The following TWIST2 variants were observed in gnomAD, a reference collection of about 807,000 sequenced individuals.
TWIST2 encodes twist-related protein 2.
A neutral mutation model predicts 11.6 loss-of-function variants in TWIST2; 1 was observed. The observed-to-expected ratio is 0.09, with a 90% confidence interval of 0.03 to 0.41. The LOEUF (loss-of-function observed/expected upper bound fraction) is 0.41. Ranked by LOEUF, TWIST2 falls within the 10% of genes least tolerant of loss-of-function variation. TWIST2 has a pLI of 0.98. For synonymous variants in TWIST2, 87 were observed against 96.6 expected (o/e 0.90, Z 0.58); for missense variants, 168 against 226.4 (o/e 0.74, Z 1.66).
chr2:238,876,022 T>A (rs773311484), intron 1 of TWIST2, among the ~76,000 whole-genome samples: 2 of 152,178 alleles, frequency 1.3e-5, no homozygotes, highest in Non-Finnish European at 2.9e-5. Context: ...GTTCACATCG[T>A]CATCCCACTA....
intron 1 of TWIST2, among the ~76,000 whole-genome samples, chr2:238,861,866 G>A (rs1393726766): frequency 6.6e-6 from 1 of 152,164 alleles, no homozygotes; most frequent in Non-Finnish European, 1.5e-5. Context: ...GAGCTGTCCC[G>A]CTCCATCCCC....
At chr2:238,885,860 C>T (rs972306733) in intron 1 of TWIST2, among the ~76,000 whole-genome samples, 1 of 152,108 alleles carries the variant, frequency 6.6e-6, no homozygotes, top group Non-Finnish European at 1.5e-5. Context: ...CTCACCAGCT[C>T]CAGTCTGCAC....
intron 1 of TWIST2, among the ~76,000 whole-genome samples, chr2:238,869,301 G>C (rs1179184893): frequency 6.6e-6 from 1 of 152,174 alleles, no homozygotes; most frequent in Non-Finnish European, 1.5e-5. Flanking sequence ...GAACAATCTG[G>C]GATCTCTCAA....
At position 238,864,037 on chromosome 2, in the gene TWIST2, C is replaced by A. The variant is rs1176170860; in HGVS notation, c.*35+15304C>A. ...TTCCTTTCAGATTCTTCGCCATAAT[C>A]TAATTTTCGTTAAGCCTGTCTTCCT... On this transcript the variant is annotated intron_variant, in intron 1 of 1. Transcript: ENST00000612363. This position sits in a 1 kb window ranked among gnomAD's most constrained non-coding sequence, Gnocchi z 4.7. 6.6e-6 allele frequency among the ~76,000 whole-genome samples: 1 copy of A among 152,206 alleles called. No individual in the cohort carries two copies.
chr2:238,868,793 C>T (rs183583566), intron 1 of TWIST2, among the ~76,000 whole-genome samples: 211 of 152,294 alleles, frequency 1.4e-3, no homozygotes, highest in Non-Finnish European at 2.3e-3. Context: ...ATGGTAGGGC[C>T]GGGACACAAG....
At chr2:238,884,713 G>A (rs1693000375) in intron 1 of TWIST2, among the ~76,000 whole-genome samples, 2 of 152,186 alleles carry the variant, frequency 1.3e-5, no homozygotes, top group Non-Finnish European at 2.9e-5. Context: ...GCTGTCCCAC[G>A]GTCCAGCAGA....
At chr2:238,854,313 C>T (rs137921240) in intron 1 of TWIST2, among the ~76,000 whole-genome samples, 2 of 152,306 alleles carry the variant, frequency 1.3e-5, no homozygotes, top group African/African-American at 4.8e-5. Context: ...CATTAGAGTC[C>T]TAATTCTCAC....
chr2:238,896,299 A>G (rs1285450892), intron 1 of TWIST2, among the ~76,000 whole-genome samples: 1 of 152,228 alleles, frequency 6.6e-6, no homozygotes, highest in African/African-American at 2.4e-5. Flanking sequence ...GGATGCAGAA[A>G]GCACGGGAGA....
At chr2:238,848,898 G>T (rs1692185625) in intron 1 of TWIST2, among the ~76,000 whole-genome samples, 165 bp downstream of exon 1, 1 of 152,106 alleles carries the variant, frequency 6.6e-6, no homozygotes, top group African/African-American at 2.4e-5. Flanking sequence ...CGGGCGGGAC[G>T]CTCACAGTCC....
intron 1 of TWIST2, among the ~76,000 whole-genome samples, chr2:238,894,977 T>C (rs979178304): frequency 0.019 from 2,926 of 152,340 alleles, 89 homozygotes; most frequent in African/African-American, 0.067. Flanking sequence ...ATTTTTGTGA[T>C]AGTGATTTGT....
intron 1 of TWIST2, among the ~76,000 whole-genome samples, chr2:238,850,911 T>G (rs964712164): frequency 6.6e-6 from 1 of 152,270 alleles, no homozygotes; most frequent in African/African-American, 2.4e-5. Flanking sequence ...TGAATGATTC[T>G]GGACACACCT....
chr2:238,854,344 TCAC>T lies in TWIST2; in HGVS notation c.*35+5613_*35+5615del, dbSNP rs1423235702. Among the ~76,000 whole-genome samples the T allele has an allele frequency of 5.3e-5, 8 of 152,236 alleles. No individual in the cohort carries two copies. In the East Asian group the frequency reaches 1.5e-3, roughly 29 times the overall value. On this transcript the variant is annotated intron_variant, in intron 1 of 1. Transcript: ENST00000612363. Reference sequence around the variant, plus strand: ...CTCACTGTCTAATTTGACAGACGGTTCACCTCTGTGTCTCTGGATGTGCAGGTC... The same window carrying T: ...CTCACTGTCTAATTTGACAGACGGTTCTCTGTGTCTCTGGATGTGCAGGTC...
chr2:238,892,766 C>T (rs114352166), intron 1 of TWIST2, among the ~76,000 whole-genome samples: 2,860 of 152,274 alleles, frequency 0.019, 95 homozygotes, highest in African/African-American at 0.065. Context: ...CAGGTGTGAG[C>T]CGCCGCAACC....
At chr2:238,907,811 G>C (rs893702078) in intron 1 of TWIST2, among the ~76,000 whole-genome samples, 1 of 143,732 alleles carries the variant, frequency 7.0e-6, no homozygotes, top group African/African-American at 2.6e-5. Flanking sequence ...CACACCACGC[G>C]CCACACAAAT....
Position 238,866,741 on chromosome 2 carries a change from C to A in TWIST2, c.*35+18008C>A, listed in dbSNP as rs1043813047. Among the ~76,000 whole-genome samples the A allele has an allele frequency of 1.3e-5, 2 of 152,170 alleles. No homozygotes were observed. The highest frequency in any genetic ancestry group is 2.9e-5 in the Non-Finnish European group (2 of 68,028). ...TGACTGGAATCTCCCTTGTGCCCGA[C>A]AGGACTACCTCCAGTGTCCCCTCCT... On this transcript the variant is annotated intron_variant, in intron 1 of 1. Transcript: ENST00000612363. This position sits in a 1 kb window ranked among gnomAD's most constrained non-coding sequence, Gnocchi z 4.9.
chr2:238,848,386 C>G lies in TWIST2; in HGVS notation c.171C>G (p.Ser57Arg). Residue 57 changes from serine to arginine, a missense_variant, in exon 1 of 2, where the codon AGC becomes AGG. This residue lies in a region of TWIST2 where 83 missense variants were observed against 92.7 expected (regional missense o/e 0.90). Coordinates refer to ENST00000612363, the MANE Select transcript of TWIST2 (RefSeq NM_001271893.4). ...PGKRGKKGSP[S>R]AQSFEELQSQ... ...AGCGCGGCAAGAAGGGCAGCCCCAG[C>G]GCGCAGTCCTTCGAGGAGCTGCAGA... 9 of 1,535,278 alleles carry G rather than the reference C, an allele frequency of 5.9e-6. No homozygotes were observed. Among genetic ancestry groups the G allele is most frequent in the Non-Finnish European group, 7.9e-6 (9 of 1,146,028 alleles).
Position 238,863,506 on chromosome 2 carries a change from C to T in TWIST2, c.*35+14773C>T, listed in dbSNP as rs1473743807. Among the ~76,000 whole-genome samples, 2 of 152,182 alleles carry T rather than the reference C, an allele frequency of 1.3e-5. No individual in the cohort carries two copies. Among genetic ancestry groups the T allele is most frequent in the South Asian group, 2.1e-4 (1 of 4,820 alleles). On this transcript the variant is annotated intron_variant, in intron 1 of 1. Coordinates refer to ENST00000612363, the MANE Select transcript of TWIST2 (RefSeq NM_001271893.4). The surrounding 1 kb of genome is among the most constrained non-coding windows in gnomAD (Gnocchi z 4.7). The stretch of plus-strand genomic sequence containing the variant: ...TTTCAGCTCTCCTGGCTGGCCTTTA[C>T]CCGCTGGGCAGTTCCCAAATGGCGC...
intron 1 of TWIST2, among the ~76,000 whole-genome samples, chr2:238,902,885 T>G (rs1693291374): frequency 8.1e-6 from 1 of 122,790 alleles, no homozygotes. Context: ...GAGGGGTGTG[T>G]GATGTGGGGT....
At chr2:238,849,669 G>A (rs1574743221) in intron 1 of TWIST2, among the ~76,000 whole-genome samples, 1 of 152,212 alleles carries the variant, frequency 6.6e-6, no homozygotes, top group African/African-American at 2.4e-5. Flanking sequence ...GAGAAGGCTC[G>A]GGGGACACAG....
Sources: gnomAD v4.1 joint callset for allele counts (sites outside exome capture counted in the v4.1 genomes callset) on GRCh38, gnomAD v4.1.1 for gene constraint, gnomAD v4.1.1 regional missense constraint, Gnocchi (gnomAD v3.1) non-coding constraint, MANE v1.5 for transcripts, NCBI Gene and HGNC (gene_info 2026-07-23, HGNC 2026-07-21) for gene names.